Variants in GAREM1 observed in about 807,000 individuals in gnomAD.
GAREM1 encodes the protein GRB2 associated regulator of MAPK1 subtype 1.
Under a neutral mutation model 71.3 loss-of-function variants are expected in GAREM1, and 26 were observed. The ratio of observed to expected loss-of-function variants is 0.36; its 90% CI spans 0.27 to 0.51. The LOEUF is 0.51. Among genes scored for constraint, GAREM1 ranks in the 20% least tolerant of loss-of-function variants. The pLI, the probability that GAREM1 is intolerant of heterozygous loss-of-function variation, is 0.95. For missense variants in GAREM1, 1,026 were observed against 1,103.1 expected (o/e 0.93, Z 0.99); for synonymous variants, 440 against 433.2 (o/e 1.02, Z -0.20).
chr18:32,435,163 C>T (rs552169341), intron 1 of GAREM1, among the ~76,000 whole-genome samples: 1 of 151,612 alleles, frequency 6.6e-6, no homozygotes, highest in Non-Finnish European at 1.5e-5. Flanking sequence ...TCAATAAAGA[C>T]AAGGAGACTG....
At position 32,364,014 on chromosome 18, in the gene GAREM1, ATATATATATATATGTTTT is replaced by A. The variant is rs1232234665; in HGVS notation, c.262+28863_262+28880del. ...TATATACATATATATATATATATAT[ATATATATATATATGTTTT>A]TTTTTTTTTTTTTTTTTTGTGAGAC... is the stretch of plus-strand genomic sequence containing the variant. On this transcript the variant is annotated intron_variant, in intron 2 of 5. Coordinates refer to ENST00000269209, the MANE Select transcript of GAREM1 (RefSeq NM_001242409.2). Among the ~76,000 whole-genome samples the A allele has an allele frequency of 1.2e-4, 6 of 50,694 alleles. 1 individual carries two copies. The highest frequency in any genetic ancestry group is 7.0e-4 in the African/African-American group (6 of 8,620). The allele number at this position is 50,694 out of a possible 152,430, so 33.3% of individuals were successfully genotyped here. A position where few individuals can be genotyped will look rare whatever the true frequency, so the allele number is the denominator to read the frequency against.
Position 32,426,725 on chromosome 18 carries a change from G to A in GAREM1, c.122-33690C>T, listed in dbSNP as rs536286222. On this transcript the variant is annotated intron_variant, in intron 1 of 5. Transcript: ENST00000269209. The stretch of plus-strand genomic sequence containing the variant: ...GCTTGTCAACCTTTGTAACCTTCAG[G>A]AAGGTTACAAAATTTATCAAACTTG... Among the ~76,000 whole-genome samples the A allele has an allele frequency of 2.6e-5, 4 of 152,172 alleles. No homozygotes were observed. In the South Asian group the frequency reaches 8.3e-4, roughly 32 times the overall value.
chr18:32,419,044 A>G (rs182645046), intron 1 of GAREM1, among the ~76,000 whole-genome samples: 35 of 152,320 alleles, frequency 2.3e-4, no homozygotes, highest in Non-Finnish European at 4.0e-4. Flanking sequence ...TCTTGTTGGA[A>G]GAATTCAGTT....
At chr18:32,369,781 C>T (rs934191366) in intron 2 of GAREM1, among the ~76,000 whole-genome samples, 6 of 152,220 alleles carry the variant, frequency 3.9e-5, no homozygotes, top group African/African-American at 1.4e-4. Flanking sequence ...TAGCATCACT[C>T]TGACACAATC....
intron 4 of GAREM1, among the ~76,000 whole-genome samples, chr18:32,274,329 G>A (rs769060008): frequency 3.9e-4 from 59 of 152,198 alleles, no homozygotes; most frequent in Non-Finnish European, 7.5e-4. Flanking sequence ...TTTATATCCA[G>A]GAGGAAGGTA....
chr18:32,399,720 T>G (rs1255674207), intron 1 of GAREM1, among the ~76,000 whole-genome samples: 3 of 152,136 alleles, frequency 2.0e-5, no homozygotes. Context: ...ATAGGAAGAA[T>G]CAATATCGTG....
At chr18:32,325,995 A>AT (rs1272374383) in intron 2 of GAREM1, among the ~76,000 whole-genome samples, 1 of 152,226 alleles carries the variant, frequency 6.6e-6, no homozygotes, top group African/African-American at 2.4e-5. Context: ...GAATGTAATC[A>AT]TGCTATTATT....
intron 4 of GAREM1, among the ~76,000 whole-genome samples, chr18:32,276,531 G>A (rs533266269): frequency 2.6e-4 from 40 of 152,296 alleles, no homozygotes; most frequent in African/African-American, 8.9e-4. Context: ...GTTCATGGGA[G>A]CACCATAAAT....
chr18:32,400,403 A>G (rs1302792397), intron 1 of GAREM1, among the ~76,000 whole-genome samples: 1 of 152,218 alleles, frequency 6.6e-6, no homozygotes, highest in African/African-American at 2.4e-5. Flanking sequence ...AGAATGGGAG[A>G]AAATTCTTAC....
At chr18:32,375,526 C>G (rs1397010188) in intron 2 of GAREM1, among the ~76,000 whole-genome samples, 4 of 152,158 alleles carry the variant, frequency 2.6e-5, no homozygotes, top group Non-Finnish European at 5.9e-5. Context: ...AGTCAAGAAT[C>G]ACTTGAGAAA....
At chr18:32,407,563 A>G (rs1374518363) in intron 1 of GAREM1, among the ~76,000 whole-genome samples, 1 of 152,180 alleles carries the variant, frequency 6.6e-6, no homozygotes, top group Non-Finnish European at 1.5e-5. Flanking sequence ...TTTTTCTTCT[A>G]CTTGCCTAAT....
intron 2 of GAREM1, among the ~76,000 whole-genome samples, chr18:32,328,892 C>T (rs948195547): frequency 2.0e-5 from 3 of 151,920 alleles, no homozygotes; most frequent in Non-Finnish European, 2.9e-5. Flanking sequence ...ATTTGCAAAG[C>T]CTAAAACGGA....
chr18:32,373,297 C>A lies in GAREM1; in HGVS notation c.262+19598G>T, dbSNP rs192334914. ...TATATTTTAATAAAAGGAAATAATA[C>A]CTACTTAGTAAAAACTAAGTCCCAT... is the stretch of plus-strand genomic sequence containing the variant. On this transcript the variant is annotated intron_variant, in intron 2 of 5. Transcript: ENST00000269209. 3.9e-5 allele frequency among the ~76,000 whole-genome samples: 6 copies of A among 152,198 alleles called. No homozygotes were observed. In the East Asian group the frequency reaches 7.7e-4, roughly 20 times the overall value.
intron 1 of GAREM1, among the ~76,000 whole-genome samples, chr18:32,407,303 A>G (rs577190091): frequency 7.2e-5 from 11 of 152,318 alleles, no homozygotes; most frequent in African/African-American, 2.4e-4. Context: ...CTCAGGGCCA[A>G]TGGTCCCTGT....
At chr18:32,357,514 TGTCTAGCACAGTGATGG>T (rs1273730158) in intron 2 of GAREM1, among the ~76,000 whole-genome samples, 1 of 152,278 alleles carries the variant, frequency 6.6e-6, no homozygotes, top group South Asian at 2.1e-4. Flanking sequence ...CTATCTCTGC[TGTCTAGCACAGTGATGG>T]GCACAGGACC....
At chr18:32,354,642 C>T (rs1248665637) in intron 2 of GAREM1, among the ~76,000 whole-genome samples, 2 of 152,128 alleles carry the variant, frequency 1.3e-5, no homozygotes, top group African/African-American at 4.8e-5. Context: ...CTAGAAGAGA[C>T]GGCAGAGACA....
chr18:32,274,596 A>G (rs909776961), intron 4 of GAREM1, among the ~76,000 whole-genome samples: 1 of 152,122 alleles, frequency 6.6e-6, no homozygotes, highest in Non-Finnish European at 1.5e-5. Flanking sequence ...GCTCCCACGC[A>G]TCTTTCTAGC....
chr18:32,287,659 A>T lies in GAREM1; in HGVS notation c.938T>A (p.Val313Glu). Residue 313 changes from valine to glutamate, a missense_variant, in exon 4 of 6, where the codon GTG (valine) becomes GAG (glutamate). Physicochemically the swap from Val to Glu is moderately radical, Grantham distance 121. Coordinates refer to ENST00000269209, the MANE Select transcript of GAREM1 (RefSeq NM_001242409.2). This position sits in a 1 kb window ranked among gnomAD's most constrained non-coding sequence, Gnocchi z 5.9. ...VPKFSLPEHLVKGESWPETLV... is the reference protein window; with the variant it reads ...VPKFSLPEHLEKGESWPETLV... ...GGTTTCGGGCCAGCTCTCTCCCTTC[A>T]CCAGGTGTTCTGGGAGGCTGAACTT... 1 of 1,614,090 alleles carries T rather than the reference A, an allele frequency of 6.2e-7. No individual in the cohort carries two copies. The highest frequency in any genetic ancestry group is 8.5e-7 in the Non-Finnish European group (1 of 1,180,016).
In GAREM1 at chr18:32,310,213, C is replaced by A; in HGVS notation, c.373G>T (p.Asp125Tyr). The A allele has an allele frequency of 6.2e-7, 1 of 1,614,086 alleles. No homozygotes were observed. ...AFPERVYVME[D>Y]ITFNVKVASG... Reference sequence around the variant, plus strand: ...ACTACCTTCACGTTGAATGTGATATCCTCCATGACGTACACGCGTTCAGGA... The same window carrying A: ...ACTACCTTCACGTTGAATGTGATATACTCCATGACGTACACGCGTTCAGGA... Residue 125 changes from aspartate to tyrosine, a missense_variant, in exon 3 of 6, where the codon GAT becomes TAT. Asp to Tyr is a radical substitution (Grantham distance 160). Coordinates refer to ENST00000269209, the MANE Select transcript of GAREM1 (RefSeq NM_001242409.2).
Sources: gnomAD v4.1 joint callset for allele counts (sites outside exome capture counted in the v4.1 genomes callset) on GRCh38, gnomAD v4.1.1 for gene constraint, Gnocchi (gnomAD v3.1) non-coding constraint, MANE v1.5 for transcripts, NCBI Gene and HGNC (gene_info 2026-07-23, HGNC 2026-07-21) for gene names.